The following ARHGEF11 variants were observed in gnomAD, a reference collection of about 807,000 sequenced individuals.
The protein encoded by ARHGEF11 is Rho guanine nucleotide exchange factor 11.
In ARHGEF11, 55 loss-of-function variants were observed where a neutral mutation model predicts 193.7. The observed-to-expected ratio is 0.28, with a 90% CI of 0.23 to 0.36. The LOEUF (loss-of-function observed/expected upper bound fraction) is 0.36. Ranked by LOEUF, ARHGEF11 falls within the 10% of genes least tolerant of loss-of-function variation. ARHGEF11 has a pLI of 1.00. For missense variants in ARHGEF11, 1,723 were observed against 2,005.6 expected, an observed-to-expected ratio of 0.86 and a Z score of 2.69; for synonymous variants, 693 against 768.0, an observed-to-expected ratio of 0.90 and a Z score of 1.62.
chr1:156,972,502 G>C (rs1427357058), intron 7 of ARHGEF11, among the ~76,000 whole-genome samples: 2 of 152,202 alleles, frequency 1.3e-5, no homozygotes. Context: ...AGAATGTCTA[G>C]CGCAAAGTCA....
At chr1:156,972,054 G>T (rs1302478628) in intron 7 of ARHGEF11, among the ~76,000 whole-genome samples, 1 of 152,176 alleles carries the variant, frequency 6.6e-6, no homozygotes, top group Non-Finnish European at 1.5e-5. Flanking sequence ...AAACACAAAG[G>T]CCTGTCCTAA....
chr1:157,028,023 A>C (rs1423882904), intron 1 of ARHGEF11, among the ~76,000 whole-genome samples: 1 of 152,210 alleles, frequency 6.6e-6, no homozygotes, highest in Non-Finnish European at 1.5e-5. Flanking sequence ...AGTCTCTGGA[A>C]GCCCAGCCCT....
At chr1:156,944,830 G>A (rs1657817770) in intron 30 of ARHGEF11, among the ~76,000 whole-genome samples, 189 bp downstream of exon 30, 1 of 152,170 alleles carries the variant, frequency 6.6e-6, no homozygotes, top group Non-Finnish European at 1.5e-5. Context: ...TCTTAGGTGG[G>A]GCGGCCTGCC....
intron 1 of ARHGEF11, among the ~76,000 whole-genome samples, chr1:156,994,247 G>A (rs1481902399): frequency 1.3e-5 from 2 of 152,162 alleles, no homozygotes; most frequent in Non-Finnish European, 2.9e-5. Flanking sequence ...AGTGCCTGGT[G>A]CATAGTGAGG....
At chr1:156,957,870 C>T (rs1386100727) in intron 17 of ARHGEF11, 55 bp from the exon 18 acceptor site, 3 of 1,592,308 alleles carry the variant, frequency 1.9e-6, no homozygotes, top group Non-Finnish European at 2.6e-6. Flanking sequence ...GGCTGGTCAC[C>T]TGGTTAGAGG....
At chr1:157,013,314 C>T (rs965164598) in intron 1 of ARHGEF11, among the ~76,000 whole-genome samples, 4 of 148,482 alleles carry the variant, frequency 2.7e-5, no homozygotes, top group Admixed American at 2.0e-4. Flanking sequence ...GAACCTTCTC[C>T]GGTGGGTGGG....
chr1:156,960,334 T>C, intron 15 of ARHGEF11, 84 bp downstream of exon 15: 2 of 1,374,806 alleles, frequency 1.5e-6, no homozygotes, highest in Non-Finnish European at 2.1e-6. Context: ...AGGGACTATG[T>C]CCCTTCTGTC....
At chr1:157,032,357 G>A (rs1027485776) in intron 1 of ARHGEF11, among the ~76,000 whole-genome samples, 4 of 152,168 alleles carry the variant, frequency 2.6e-5, no homozygotes, top group Non-Finnish European at 4.4e-5. Flanking sequence ...AAAAGAGTTC[G>A]TTAAGAGCAC....
rs199588972 is a variant in ARHGEF11 at position 156,947,360 on chromosome 1, G to T, written c.2432C>A (p.Pro811His). Residue 811 changes from proline to histidine, a missense_variant, in exon 26 of 41, where the codon CCC becomes CAC. Around this residue, in one of 5 missense-constraint regions of ARHGEF11, gnomAD observed 491 missense variants for 654.5 expected, o/e 0.75. Coordinates refer to ENST00000368194, the MANE Select transcript of ARHGEF11 (RefSeq NM_198236.3). Reference sequence around the variant, plus strand: ...GAAGAGCCGGGCCAGCTCCTCCCGGGGCATCAGGTTCTCCTTCTTCATTCG... The same window carrying T: ...GAAGAGCCGGGCCAGCTCCTCCCGGTGCATCAGGTTCTCCTTCTTCATTCG... ...YQRMKKENLM[P>H]REELARLFPN... is the part of the protein sequence containing the mutation. The T allele has an allele frequency of 7.2e-5, 117 of 1,613,928 alleles. No individual in the cohort carries two copies. The highest frequency in any genetic ancestry group is 7.0e-4 in the Admixed American group (42 of 59,992).
chr1:157,029,381 T>C (rs961301038), intron 1 of ARHGEF11, among the ~76,000 whole-genome samples: 1 of 152,050 alleles, frequency 6.6e-6, no homozygotes, highest in Non-Finnish European at 1.5e-5. Context: ...GCAATTCTCC[T>C]GCCTCTCAGC....
rs1201319678 is a variant in ARHGEF11 at position 157,043,984 on chromosome 1, G to A, written c.32+315C>T. Among the ~76,000 whole-genome samples the A allele has an allele frequency of 2.0e-5, 3 of 152,142 alleles. No homozygotes were observed. In the East Asian group the frequency reaches 5.8e-4, roughly 29 times the overall value. On this transcript the variant is annotated intron_variant, in intron 1 of 40. Transcript: ENST00000368194. ...TCACAAGACTGGCTTGCCCCCACCT[G>A]AGACTAGCAAGTTGGGTGGACTCAA...
rs1658480351 is a variant in ARHGEF11 at position 156,948,100 on chromosome 1, C to A, written c.2153+81G>T. 1.9e-6 allele frequency: 3 copies of A among 1,539,028 alleles called. No individual in the cohort carries two copies. The highest frequency in any genetic ancestry group is 2.7e-5 in the African/African-American group (2 of 73,154). ...AAGAGGAGACAGCCACCCAACCAGC[C>A]CCTTGCAGGTGAGAGGAGCAGCTGG... On this transcript the variant is annotated intron_variant, in intron 24 of 40. Transcript: ENST00000368194. This position sits in a 1 kb window ranked among gnomAD's most constrained non-coding sequence, Gnocchi z 4.2.
chr1:157,017,512 C>T (rs956715716), intron 1 of ARHGEF11, among the ~76,000 whole-genome samples: 1 of 151,958 alleles, frequency 6.6e-6, no homozygotes, highest in South Asian at 2.1e-4. Context: ...TCGAGATCAT[C>T]CTGGCTAACA....
chr1:157,012,160 C>T (rs949688061), intron 1 of ARHGEF11, among the ~76,000 whole-genome samples: 12 of 152,044 alleles, frequency 7.9e-5, no homozygotes, highest in Admixed American at 1.3e-4. Flanking sequence ...AAAAAAAGAA[C>T]GAAATCCTGA....
At chr1:157,020,434 G>C (rs1050902784) in intron 1 of ARHGEF11, among the ~76,000 whole-genome samples, 2 of 152,134 alleles carry the variant, frequency 1.3e-5, no homozygotes, top group African/African-American at 2.4e-5. Flanking sequence ...GTAATATAAG[G>C]CTGTCCCAAA....
intron 11 of ARHGEF11, 26 bp from the exon 12 acceptor site, chr1:156,963,620 G>C (rs758314151): frequency 6.2e-7 from 1 of 1,609,832 alleles, no homozygotes; most frequent in African/African-American, 1.3e-5. Context: ...AAATTGCAGA[G>C]ATGAGAGGTT....
intron 15 of ARHGEF11, 69 bp downstream of exon 15, chr1:156,960,349 G>C: frequency 2.0e-6 from 3 of 1,510,212 alleles, no homozygotes; most frequent in Non-Finnish European, 2.8e-6. Flanking sequence ...TCTGTCCTCT[G>C]GAGCCTCCTG....
At chr1:157,004,823 A>AC (rs894290600) in intron 1 of ARHGEF11, among the ~76,000 whole-genome samples, 2 of 152,062 alleles carry the variant, frequency 1.3e-5, no homozygotes, top group East Asian at 1.9e-4. Flanking sequence ...CCTGGGTGAG[A>AC]CCCCCCAAAC....
Position 156,963,296 on chromosome 1 carries a change from G to T in ARHGEF11, c.1047C>A (p.Ile349=). 1.2e-6 allele frequency: 2 copies of T among 1,614,004 alleles called. No individual in the cohort carries two copies. Among genetic ancestry groups the T allele is most frequent in the Middle Eastern group, 1.7e-4 (1 of 6,056 alleles). Residue 349 remains isoleucine, a synonymous_variant, in exon 13 of 41, where the codon ATC becomes ATA. Transcript: ENST00000368194. Reference sequence around the variant, plus strand: ...TCAGTTTCTCCAGATCCTGGAATATGATGTCGCTCTGGAAGGCAGAAGGAT... The same window carrying T: ...TCAGTTTCTCCAGATCCTGGAATATTATGTCGCTCTGGAAGGCAGAAGGAT... ...DPGYFNNESD[I]IFQDLEKLKS...
Sources: allele counts gnomAD v4.1 joint callset (sites outside exome capture counted in the v4.1 genomes callset), GRCh38; gene constraint gnomAD v4.1.1; regional missense constraint gnomAD v4.1.1; non-coding constraint Gnocchi (gnomAD v3.1); transcripts MANE v1.5; gene names NCBI Gene and HGNC (gene_info 2026-07-23, HGNC 2026-07-21).